The following DZANK1 variants were observed in gnomAD, a reference collection of about 807,000 sequenced individuals.
DZANK1 encodes the protein double zinc ribbon and ankyrin repeat-containing protein 1.
In DZANK1, 91 loss-of-function variants were observed where a neutral mutation model predicts 94.5. The ratio of observed to expected loss-of-function variants is 0.96; its 90% CI spans 0.81 to 1.15. The LOEUF is 1.15. Among genes scored for constraint, DZANK1 ranks in the 50% most tolerant of loss-of-function variants. The probability of loss-of-function intolerance (pLI) is 0.00; values close to 1 mark genes in which losing one functional copy is unlikely to be tolerated. For synonymous variants in DZANK1, 312 were observed against 325.3 expected, an observed-to-expected ratio of 0.96 and a Z score of 0.44; for missense variants, 903 against 916.4, an observed-to-expected ratio of 0.99 and a Z score of 0.19.
intron 17 of DZANK1, among the ~76,000 whole-genome samples, chr20:18,391,667 T>C (rs1207672976): frequency 6.6e-6 from 1 of 152,208 alleles, no homozygotes; most frequent in Non-Finnish European, 1.5e-5. Flanking sequence ...TGCCTCTGGA[T>C]CCCGGGCATG....
chr20:18,457,215 C>T (rs1411108591), intron 3 of DZANK1, among the ~76,000 whole-genome samples: 5 of 152,172 alleles, frequency 3.3e-5, no homozygotes, highest in Non-Finnish European at 7.3e-5. Flanking sequence ...TGGCTCACTC[C>T]TGTAATCCCA....
chr20:18,452,774 T>G (rs773545553), intron 5 of DZANK1, 35 bp from the exon 6 acceptor site: 173 of 1,526,192 alleles, frequency 1.1e-4, no homozygotes, highest in Non-Finnish European at 1.5e-4. Context: ...TCTTTGAGCA[T>G]CTGTAATTAT....
intron 12 of DZANK1, 48 bp downstream of exon 12, chr20:18,414,300 T>C (rs1281509868): frequency 6.2e-7 from 1 of 1,604,470 alleles, no homozygotes; most frequent in Admixed American, 1.7e-5. Context: ...ACATTCAGAG[T>C]TACAGCCTCT....
At chr20:18,433,799 A>G (rs750429383) in intron 8 of DZANK1, 34 bp from the exon 9 acceptor site, 6 of 1,573,992 alleles carry the variant, frequency 3.8e-6, no homozygotes, top group African/African-American at 2.7e-5. Flanking sequence ...TATCTTGCAC[A>G]TAAAAACTGA....
chr20:18,459,973 C>T (rs918319622), intron 3 of DZANK1, among the ~76,000 whole-genome samples, 180 bp downstream of exon 3: 2 of 152,096 alleles, frequency 1.3e-5, no homozygotes, highest in Admixed American at 6.5e-5. Context: ...CTGCACCTTA[C>T]GGTATGCCTC....
chr20:18,387,355 T>C (rs768411736), intron 19 of DZANK1, among the ~76,000 whole-genome samples: 1 of 152,230 alleles, frequency 6.6e-6, no homozygotes, highest in Non-Finnish European at 1.5e-5. Context: ...TGCCATGGAA[T>C]TTGTATTTTA....
chr20:18,444,207 G>A (rs951356350), intron 7 of DZANK1, among the ~76,000 whole-genome samples: 3 of 152,156 alleles, frequency 2.0e-5, no homozygotes, highest in Admixed American at 6.5e-5. Context: ...TAGTCTCCAC[G>A]TTGGAGCTGA....
chr20:18,396,573 C>T (rs192734802), intron 14 of DZANK1, 27 bp from the exon 15 acceptor site: 20 of 1,583,050 alleles, frequency 1.3e-5, no homozygotes, highest in Non-Finnish European at 1.7e-5. Flanking sequence ...AGAGAGAATT[C>T]ATAACTGTGG....
chr20:18,462,423 C>T (rs2059502022), intron 2 of DZANK1, among the ~76,000 whole-genome samples: 1 of 152,022 alleles, frequency 6.6e-6, no homozygotes, highest in Non-Finnish European at 1.5e-5. Context: ...TTTAAGAGAC[C>T]TTTATATTTC....
chr20:18,453,905 C>G, intron 4 of DZANK1, 78 bp from the exon 5 acceptor site: 1 of 915,126 alleles, frequency 1.1e-6, no homozygotes, highest in Non-Finnish European at 1.8e-6. Context: ...GAGAAAGTGT[C>G]ATGGTGTGCA....
intron 5 of DZANK1, 78 bp from the exon 6 acceptor site, chr20:18,452,817 A>G (rs1223673245): frequency 1.4e-6 from 2 of 1,401,306 alleles, no homozygotes; most frequent in Non-Finnish European, 1.9e-6. Context: ...TCACAGCGGG[A>G]GACCTTTTAA....
intron 5 of DZANK1, 48 bp downstream of exon 5, chr20:18,453,683 C>T (rs1475292349): frequency 8.2e-6 from 11 of 1,344,858 alleles, no homozygotes; most frequent in South Asian, 4.8e-5. Context: ...TGAACCTCTT[C>T]GGTGGGTTCA....
At position 18,390,507 on chromosome 20, in the gene DZANK1, C is replaced by G. The variant is rs889105657; in HGVS notation, c.1810-48G>C. The G allele has an allele frequency of 3.9e-6, 6 of 1,556,024 alleles. No homozygotes were observed. In the South Asian group the frequency reaches 6.7e-5, roughly 17 times the overall value. On this transcript the variant is annotated intron_variant, in intron 17 of 20. Transcript: ENST00000262547. ...CATTTCCCCCACTTCAAAATATTCA[C>G]TCAAGGCAAACACTTTCTTTCCAAC...
chr20:18,416,784 G>C (rs1240789868), intron 10 of DZANK1, among the ~76,000 whole-genome samples: 1 of 151,874 alleles, frequency 6.6e-6, no homozygotes, highest in East Asian at 1.9e-4. Flanking sequence ...GCAATTAGAG[G>C]GAAACTCCTT....
chr20:18,404,756 TA>T (rs2056869450), intron 13 of DZANK1, among the ~76,000 whole-genome samples: 2 of 151,002 alleles, frequency 1.3e-5, no homozygotes, highest in Admixed American at 1.3e-4. Context: ...TTAAAAGGAG[TA>T]AAAGAAGAGC....
At chr20:18,460,238 A>T in exon 3 of DZANK1, 1 of 1,595,766 alleles carries the variant, frequency 6.3e-7, no homozygotes, top group Non-Finnish European at 8.6e-7. Context: ...TTTTCCCCAT[A>T]ACCAATTCTC....
exon 17 of DZANK1, chr20:18,393,715 A>C: frequency 6.2e-7 from 1 of 1,601,480 alleles, no homozygotes; most frequent in Non-Finnish European, 8.6e-7. Context: ...ACTTACTATA[A>C]GCTGCTCCTT....
chr20:18,436,976 C>T (rs1463774241), intron 8 of DZANK1, among the ~76,000 whole-genome samples: 1 of 152,044 alleles, frequency 6.6e-6, no homozygotes. Context: ...AACATTCTGA[C>T]GTACACAAAG....
chr20:18,411,107 G>A (rs1451867799), intron 13 of DZANK1, among the ~76,000 whole-genome samples: 1 of 152,124 alleles, frequency 6.6e-6, no homozygotes, highest in Non-Finnish European at 1.5e-5. Flanking sequence ...GAAAAGAAGA[G>A]CAAAGTCAAC....
Sources: gnomAD v4.1 joint callset for allele counts (sites outside exome capture counted in the v4.1 genomes callset) on GRCh38, gnomAD v4.1.1 for gene constraint, MANE v1.5 for transcripts, NCBI Gene and HGNC (gene_info 2026-07-23, HGNC 2026-07-21) for gene names.